The following TDRD7 variants were observed in gnomAD, a reference collection of about 807,000 sequenced individuals.
The protein encoded by TDRD7 is tudor domain-containing protein 7.
TDRD7 carries 47 observed loss-of-function variants against 109.8 expected under a neutral mutation model. The observed-to-expected ratio is 0.43, with a 90% CI of 0.34 to 0.55. TDRD7 has a LOEUF of 0.55. Ranked by LOEUF, TDRD7 falls within the 20% of genes least tolerant of loss-of-function variation. The probability of loss-of-function intolerance (pLI) is 0.03; values close to 1 mark genes in which losing one functional copy is unlikely to be tolerated. For synonymous variants in TDRD7, 424 were observed against 457.3 expected, an observed-to-expected ratio of 0.93 and a Z score of 0.93; for missense variants, 1,164 against 1,319.2, an observed-to-expected ratio of 0.88 and a Z score of 1.82.
chr9:97,474,852 C>T (rs979481225), intron 11 of TDRD7, among the ~76,000 whole-genome samples: 28 of 152,180 alleles, frequency 1.8e-4, no homozygotes, highest in African/African-American at 6.8e-4. Flanking sequence ...CTTCAAACTA[C>T]AGCAGAAGAG....
At chr9:97,488,915 T>G (rs897460768) in intron 16 of TDRD7, among the ~76,000 whole-genome samples, 2 of 152,252 alleles carry the variant, frequency 1.3e-5, no homozygotes, top group African/African-American at 4.8e-5. Flanking sequence ...GACCCATGTG[T>G]TATTTAGAAC....
At chr9:97,470,291 G>T (rs1321729609) in intron 8 of TDRD7, among the ~76,000 whole-genome samples, 1 of 152,194 alleles carries the variant, frequency 6.6e-6, no homozygotes, top group Non-Finnish European at 1.5e-5. Context: ...CAGCAAGGTG[G>T]CAGGGCTGAG....
Position 97,460,661 on chromosome 9 carries a change from A to G in TDRD7, c.1339A>G (p.Thr447Ala). The stretch of plus-strand genomic sequence containing the variant: ...AGAAAGCATTGCTGAAAGTGCTAAT[A>G]CCTTTATGGAGGACATAACAGTTCC... ...VEESIAESAN[T>A]FMEDITVPPL... Residue 447 changes from threonine to alanine, a missense_variant, in exon 7 of 17, where the codon ACC (threonine) becomes GCC (alanine). By Grantham distance (58) the Thr-to-Ala change is moderately conservative. This residue lies in a region of TDRD7 where 407 missense variants were observed against 394.0 expected (regional missense o/e 1.03). Transcript: ENST00000355295. The G allele has an allele frequency of 6.2e-7, 1 of 1,614,182 alleles. No individual in the cohort carries two copies. Among genetic ancestry groups the G allele is most frequent in the Non-Finnish European group, 8.5e-7 (1 of 1,180,026 alleles).
At chr9:97,473,369 C>A in intron 10 of TDRD7, 123 bp from the exon 11 acceptor site, 1 of 1,318,514 alleles carries the variant, frequency 7.6e-7, no homozygotes, top group South Asian at 1.2e-5. Flanking sequence ...CTTACATATA[C>A]TCTAACTTAA....
Position 97,449,557 on chromosome 9 carries a change from G to A in TDRD7, c.855+7682G>A, listed in dbSNP as rs181814431. Reference sequence around the variant, plus strand: ...ATACAGATGAAGAAATGCATAAATGGGGGAAGCAGCATGGAGTCTCTGTGC... The same window carrying A: ...ATACAGATGAAGAAATGCATAAATGAGGGAAGCAGCATGGAGTCTCTGTGC... On this transcript the variant is annotated intron_variant, in intron 6 of 16. Transcript: ENST00000355295. 4.5e-3 allele frequency among the ~76,000 whole-genome samples: 686 copies of A among 152,280 alleles called. 5 individuals carry two copies. The highest frequency in any genetic ancestry group is 6.6e-3 in the South Asian group (32 of 4,826).
At chr9:97,442,446 A>G (rs1303657478) in intron 6 of TDRD7, among the ~76,000 whole-genome samples, 3 of 152,218 alleles carry the variant, frequency 2.0e-5, no homozygotes, top group African/African-American at 7.2e-5. Context: ...TTCCATTTCT[A>G]TTCCTACTTC....
At chr9:97,444,140 G>A (rs186052542) in intron 6 of TDRD7, among the ~76,000 whole-genome samples, 5 of 152,120 alleles carry the variant, frequency 3.3e-5, no homozygotes, top group African/African-American at 1.2e-4. Flanking sequence ...ACAACTGACT[G>A]TTTTTTTGGT....
Position 97,487,222 on chromosome 9 carries a change from T to C in TDRD7, c.2966T>C (p.Val989Ala), listed in dbSNP as rs1279269781. 5.0e-6 allele frequency: 8 copies of C among 1,614,006 alleles called. No homozygotes were observed. The highest frequency in any genetic ancestry group is 3.3e-5 in the South Asian group (3 of 91,090). ...ATCCTGACCAATGGACTGGTATCTGTGTATGAGCTGGATTATGGCAAACAC... is the reference window on the plus strand; with the variant it reads ...ATCCTGACCAATGGACTGGTATCTGCGTATGAGCTGGATTATGGCAAACAC... ...KGILTNGLVS[V>A]YELDYGKHEL... Residue 989 changes from valine to alanine, a missense_variant, in exon 16 of 17, where the codon GTG becomes GCG. Physicochemically the swap from Val to Ala is moderately conservative, Grantham distance 64. Around this residue, in one of 5 missense-constraint regions of TDRD7, gnomAD observed 162 missense variants for 222.5 expected, o/e 0.73. Transcript: ENST00000355295.
chr9:97,432,453 C>T (rs529078426), intron 4 of TDRD7, among the ~76,000 whole-genome samples: 3 of 152,308 alleles, frequency 2.0e-5, no homozygotes, highest in African/African-American at 7.2e-5. Flanking sequence ...TCAATCTCTC[C>T]TTGTAAAGTT....
At chr9:97,437,315 A>G (rs936673331) in intron 4 of TDRD7, among the ~76,000 whole-genome samples, 22 of 152,152 alleles carry the variant, frequency 1.4e-4, no homozygotes, top group African/African-American at 5.1e-4. Flanking sequence ...TCCTACTCAC[A>G]TGGTTATTGG....
chr9:97,461,687 A>T (rs1828727643), intron 7 of TDRD7, among the ~76,000 whole-genome samples: 1 of 152,232 alleles, frequency 6.6e-6, no homozygotes, highest in Non-Finnish European at 1.5e-5. Flanking sequence ...TTTGGGAAAA[A>T]GAATGGGAAC....
chr9:97,495,620 T>G, intron 16 of TDRD7, 43 bp from the exon 17 acceptor site: 2 of 1,572,242 alleles, frequency 1.3e-6, no homozygotes, highest in South Asian at 2.2e-5. Flanking sequence ...GAAAAGCTCC[T>G]TTGACTCCTC....
At chr9:97,431,719 C>T (rs780422860) in intron 3 of TDRD7, among the ~76,000 whole-genome samples, 1 of 152,004 alleles carries the variant, frequency 6.6e-6, no homozygotes, top group Admixed American at 6.6e-5. Context: ...GGGGAAGAGA[C>T]GGGAGGACCA....
At chr9:97,441,591 T>G in intron 5 of TDRD7, 67 bp from the exon 6 acceptor site, 1 of 1,377,084 alleles carries the variant, frequency 7.3e-7, no homozygotes, top group Non-Finnish European at 1.0e-6. Flanking sequence ...GATGCAAATA[T>G]TAGGTAATGG....
chr9:97,475,016 CACAG>C (rs1481911231), intron 11 of TDRD7, among the ~76,000 whole-genome samples: 1 of 152,128 alleles, frequency 6.6e-6, no homozygotes, highest in African/African-American at 2.4e-5. Context: ...AGAATAGGCC[CACAG>C]ACAGCTCTCG....
At chr9:97,486,296 G>A (rs1475625134) in intron 15 of TDRD7, among the ~76,000 whole-genome samples, 1 of 152,164 alleles carries the variant, frequency 6.6e-6, no homozygotes, top group African/African-American at 2.4e-5. Flanking sequence ...TTTTAATCAT[G>A]TATTTGAGAC....
chr9:97,474,578 A>ATT (rs1491586451), intron 11 of TDRD7, among the ~76,000 whole-genome samples: 1 of 152,176 alleles, frequency 6.6e-6, no homozygotes, highest in Non-Finnish European at 1.5e-5. Context: ...CATTCAAAGT[A>ATT]CAGTCTGGAA....
chr9:97,473,594 C>G lies in TDRD7; in HGVS notation c.2047C>G (p.Leu683Val). Residue 683 changes from leucine to valine, a missense_variant, in exon 11 of 17, where the codon CTA becomes GTA. By Grantham distance (32) the Leu-to-Val change is conservative. Transcript: ENST00000355295. Reference protein sequence around the residue: ...CKGLNKLSDLLRKIEDYFHCK... With the variant: ...CKGLNKLSDLVRKIEDYFHCK... Reference sequence around the variant, plus strand: ...GGGTCTGAACAAGCTCAGTGACCTTCTACGTAAGATAGAGGACTACTTCCA... The same window carrying G: ...GGGTCTGAACAAGCTCAGTGACCTTGTACGTAAGATAGAGGACTACTTCCA... The G allele has an allele frequency of 6.2e-7, 1 of 1,613,794 alleles. No homozygotes were observed. The highest frequency in any genetic ancestry group is 1.3e-5 in the African/African-American group (1 of 75,034).
At chr9:97,448,630 TTTG>T (rs1828439650) in intron 6 of TDRD7, among the ~76,000 whole-genome samples, 1 of 152,222 alleles carries the variant, frequency 6.6e-6, no homozygotes, top group South Asian at 2.1e-4. Flanking sequence ...TTGCTTTTTC[TTTG>T]TTGTTTTTGT....
Sources: allele counts gnomAD v4.1 joint callset (sites outside exome capture counted in the v4.1 genomes callset), GRCh38; gene constraint gnomAD v4.1.1; regional missense constraint gnomAD v4.1.1; transcripts MANE v1.5; gene names NCBI Gene and HGNC (gene_info 2026-07-23, HGNC 2026-07-21).